The following RASSF6 variants were observed in gnomAD, a reference collection of about 807,000 sequenced individuals.
RASSF6 encodes the protein ras association domain-containing protein 6.
Under a neutral mutation model 44.0 loss-of-function variants are expected in RASSF6, and 52 were observed. The ratio of observed to expected loss-of-function variants is 1.18; its 90% CI spans 0.95 to 1.49. The LOEUF is 1.49. Ranked by LOEUF, RASSF6 falls within the 40% of genes most tolerant of loss-of-function variation. The pLI is 0.00. For synonymous variants in RASSF6, 162 were observed against 124.6 expected (o/e 1.30, Z -2.00); for missense variants, 464 against 393.3 (o/e 1.18, Z -1.52).
chr4:73,598,551 A>G, intron 3 of RASSF6, 89 bp downstream of exon 3: 1 of 646,202 alleles, frequency 1.5e-6, no homozygotes, highest in Non-Finnish European at 2.6e-6. Context: ...TTAAACTTTC[A>G]CCTGTTTCTT....
Position 73,579,979 on chromosome 4 carries a change from G to A in RASSF6, c.721+1838C>T, listed in dbSNP as rs559902454. 6.5e-4 allele frequency among the ~76,000 whole-genome samples: 97 copies of A among 150,374 alleles called. 1 individual carries two copies. In the East Asian group the frequency reaches 0.014, roughly 21 times the overall value. ...GCTGGTGTGCTGCACCCACTAACTC[G>A]TCATCTAGCATTAGGTGTATCTCCT... is the stretch of plus-strand genomic sequence containing the variant. On this transcript the variant is annotated intron_variant, in intron 8 of 10. Coordinates refer to ENST00000307439, the MANE Select transcript of RASSF6 (RefSeq NM_177532.5).
chr4:73,620,544 C>T, upstream of RASSF6: 3 of 1,372,480 alleles, frequency 2.2e-6, no homozygotes, highest in Non-Finnish European at 2.9e-6. Context: ...GATCAGCGAT[C>T]CTGGAGCCCC....
intron 1 of RASSF6, among the ~76,000 whole-genome samples, chr4:73,620,047 C>T (rs1345647109): frequency 6.6e-6 from 1 of 152,010 alleles, no homozygotes; most frequent in East Asian, 1.9e-4. Flanking sequence ...ACCTCCAAGC[C>T]CTTCTCTGCA....
intron 4 of RASSF6, among the ~76,000 whole-genome samples, chr4:73,589,375 G>A (rs187946157): frequency 4.6e-5 from 7 of 152,084 alleles, no homozygotes; most frequent in Non-Finnish European, 7.4e-5. Context: ...CATAATTATC[G>A]TAGAAGGGGG....
At chr4:73,606,647 T>G (rs938579346) in intron 2 of RASSF6, among the ~76,000 whole-genome samples, 1 of 151,818 alleles carries the variant, frequency 6.6e-6, no homozygotes, top group African/African-American at 2.4e-5. Context: ...TAGTTTTTTT[T>G]TTTTTTTTAA....
At chr4:73,615,868 G>C in intron 1 of RASSF6, 1 of 1,547,804 alleles carries the variant, frequency 6.5e-7, no homozygotes, top group South Asian at 1.2e-5. Flanking sequence ...TTCCTGCCTA[G>C]AGGTGGGCTT....
intron 5 of RASSF6, among the ~76,000 whole-genome samples, chr4:73,585,899 T>C (rs1724050325): frequency 6.6e-6 from 1 of 151,322 alleles, no homozygotes; most frequent in Non-Finnish European, 1.5e-5. Context: ...TAGTTACATA[T>C]GTATACATGT....
chr4:73,599,728 A>G (rs1386793196), intron 2 of RASSF6, among the ~76,000 whole-genome samples: 1 of 152,164 alleles, frequency 6.6e-6, no homozygotes, highest in Non-Finnish European at 1.5e-5. Flanking sequence ...TTTACTCTCA[A>G]CAGCAGAAAC....
chr4:73,592,153 T>G (rs974242493), intron 4 of RASSF6, among the ~76,000 whole-genome samples: 4 of 152,212 alleles, frequency 2.6e-5, no homozygotes, highest in African/African-American at 9.7e-5. Flanking sequence ...ATGAAATGTG[T>G]AGGGAATTAC....
chr4:73,608,701 T>A (rs1159026288), intron 2 of RASSF6, among the ~76,000 whole-genome samples: 1 of 152,228 alleles, frequency 6.6e-6, no homozygotes. Context: ...CTCTTATACT[T>A]TAATTAAAGA....
chr4:73,596,481 C>T (rs942049425), intron 3 of RASSF6, among the ~76,000 whole-genome samples: 2 of 152,102 alleles, frequency 1.3e-5, no homozygotes, highest in African/African-American at 4.8e-5. Context: ...AGAGATGACA[C>T]AAACAAATGG....
chr4:73,597,428 A>G (rs1560452377), intron 3 of RASSF6, among the ~76,000 whole-genome samples: 1 of 152,238 alleles, frequency 6.6e-6, no homozygotes. Context: ...ATGAGATACC[A>G]TCTCACACCA....
rs72649118 is a variant in RASSF6, at chr4:73,582,213, T to C, written c.645A>G (p.Ile215Met). Residue 215 changes from isoleucine (I) to methionine (M), a missense_variant, in exon 7 of 11, where the codon ATA becomes ATG. Coordinates refer to ENST00000307439, the MANE Select transcript of RASSF6 (RefSeq NM_177532.5). ...CCTTAAATTTTTGGAGAAGTTGCTT[T>C]ATTACTTCTTCAGTTCTCATGTTAC... ...VNSNMRTEEV[I>M]KQLLQKFKIE... is the part of the protein sequence containing the mutation. The C allele has an allele frequency of 0.018, 28,034 of 1,580,406 alleles. 321 individuals are homozygous for C. Among genetic ancestry groups the C allele is most frequent in the Non-Finnish European group, 0.022 (25,905 of 1,156,498 alleles).
intron 8 of RASSF6, among the ~76,000 whole-genome samples, chr4:73,579,312 G>A (rs1222281311): frequency 6.6e-6 from 1 of 152,012 alleles, no homozygotes; most frequent in Non-Finnish European, 1.5e-5. Context: ...CAAATGGAAT[G>A]GTCAAGTTAA....
chr4:73,611,700 G>A (rs1210135471), intron 2 of RASSF6, 31 bp downstream of exon 2: 3 of 1,408,006 alleles, frequency 2.1e-6, no homozygotes, highest in Admixed American at 1.7e-5. Flanking sequence ...CTGGTGAGTA[G>A]GACAATGTAT....
Position 73,574,553 on chromosome 4 carries a change from G to A in RASSF6, c.*1682C>T, listed in dbSNP as rs1256223436. On this transcript the variant is annotated 3_prime_UTR_variant, in exon 11 of 11. Coordinates refer to ENST00000307439, the MANE Select transcript of RASSF6 (RefSeq NM_177532.5). Reference sequence around the variant, plus strand: ...TTCCTTGTTAGGATTCTTTCCCTCAGCCTTAGGGTACCTTCTCTTTTCATC... The same window carrying A: ...TTCCTTGTTAGGATTCTTTCCCTCAACCTTAGGGTACCTTCTCTTTTCATC... 1.3e-5 allele frequency: 2 copies of A among 152,028 alleles called. No individual in the cohort carries two copies. The highest frequency in any genetic ancestry group is 2.4e-5 in the African/African-American group (1 of 41,392). 9.4% of individuals were successfully genotyped at this position (152,028 alleles called of 1,614,324 possible). A position where few individuals can be genotyped will look rare whatever the true frequency, so the allele number is the denominator to read the frequency against.
At chr4:73,585,135 G>C in intron 6 of RASSF6, 45 bp downstream of exon 6, 1 of 1,367,224 alleles carries the variant, frequency 7.3e-7, no homozygotes, top group Middle Eastern at 2.4e-4. Flanking sequence ...AGTGAAACAG[G>C]GAACCTTATT....
intron 4 of RASSF6, among the ~76,000 whole-genome samples, chr4:73,592,275 T>C (rs988707932): frequency 1.3e-5 from 2 of 152,214 alleles, no homozygotes; most frequent in African/African-American, 4.8e-5. Context: ...GTCAAGGTGA[T>C]AATTAATTTT....
intron 5 of RASSF6, 23 bp downstream of exon 5, chr4:73,587,817 A>G (rs780488106): frequency 6.7e-7 from 1 of 1,484,370 alleles, no homozygotes; most frequent in East Asian, 2.3e-5. Flanking sequence ...AAGTCTCCCA[A>G]TCAATAAGAT....
Sources: allele counts gnomAD v4.1 joint callset (sites outside exome capture counted in the v4.1 genomes callset), GRCh38; gene constraint gnomAD v4.1.1; transcripts MANE v1.5; gene names NCBI Gene and HGNC (gene_info 2026-07-23, HGNC 2026-07-21).